SRBD1: variants seen among roughly 807,000 people sequenced by gnomAD.
SRBD1 encodes the protein S1 RNA binding domain 1, also known as S1 RNA-binding domain-containing protein 1.
Under a neutral mutation model 115.3 loss-of-function variants are expected in SRBD1, and 88 were observed. That is an observed-to-expected ratio of 0.76 (90% CI 0.64 to 0.91). The LOEUF (loss-of-function observed/expected upper bound fraction) is 0.91, where lower values mean the gene tolerates loss of function less well. SRBD1 is among the 40% of genes least tolerant of loss of function. The pLI is 0.00. For synonymous variants in SRBD1, 509 were observed against 407.7 expected, an observed-to-expected ratio of 1.25 and a Z score of -2.99; for missense variants, 1,385 against 1,177.4, an observed-to-expected ratio of 1.18 and a Z score of -2.58.
chr2:45,513,530 A>G (rs1044912513), intron 14 of SRBD1, among the ~76,000 whole-genome samples: 1 of 152,142 alleles, frequency 6.6e-6, no homozygotes, highest in Admixed American at 6.5e-5. Context: ...GAAGAAGATG[A>G]AAAATTCAAA....
chr2:45,536,542 A>G (rs368033124), intron 14 of SRBD1, among the ~76,000 whole-genome samples: 10 of 152,126 alleles, frequency 6.6e-5, no homozygotes, highest in Admixed American at 4.6e-4. Flanking sequence ...TAAGATTATA[A>G]TAAAGTTTTA....
intron 14 of SRBD1, among the ~76,000 whole-genome samples, chr2:45,532,162 CCACCATCAG>C (rs138369493): frequency 0.11 from 16,893 of 151,604 alleles, 1,246 homozygotes; most frequent in East Asian, 0.2. Context: ...GCTGCCATCA[CCACCATCAG>C]CACCATCAGC....
Position 45,442,560 on chromosome 2 carries a change from T to C in SRBD1, c.2050-22666A>G, listed in dbSNP as rs143621664. On this transcript the variant is annotated intron_variant, in intron 16 of 20. Coordinates refer to ENST00000263736, the MANE Select transcript of SRBD1 (RefSeq NM_018079.5). ...GGAATTTAGAAAAGAGATATGGATATTACTAACTCCTCTTTACCAGGGAGA... is the reference window on the plus strand; with the variant it reads ...GGAATTTAGAAAAGAGATATGGATACTACTAACTCCTCTTTACCAGGGAGA... Among the ~76,000 whole-genome samples, 604 of 152,288 alleles carry C rather than the reference T, an allele frequency of 4.0e-3. 2 individuals are homozygous for C. Among genetic ancestry groups the C allele is most frequent in the Non-Finnish European group, 6.4e-3 (432 of 68,026 alleles).
intron 6 of SRBD1, among the ~76,000 whole-genome samples, chr2:45,580,528 T>TC (rs1405020196): frequency 2.0e-5 from 3 of 148,870 alleles, no homozygotes; most frequent in Admixed American, 2.0e-4. Flanking sequence ...TTTTTTTTTT[T>TC]TTTTGCATTT....
intron 16 of SRBD1, among the ~76,000 whole-genome samples, chr2:45,435,780 T>C (rs1489358638): frequency 6.6e-6 from 1 of 152,078 alleles, no homozygotes; most frequent in Non-Finnish European, 1.5e-5. Flanking sequence ...CTAACAAAAT[T>C]TTAAAAAATA....
intron 16 of SRBD1, among the ~76,000 whole-genome samples, chr2:45,440,639 A>T (rs878981905): frequency 6.6e-6 from 1 of 152,208 alleles, no homozygotes; most frequent in Admixed American, 6.5e-5. Flanking sequence ...TTCCACTGTA[A>T]ATCTCTATTT....
chr2:45,527,577 TATA>T (rs142223235), intron 14 of SRBD1, among the ~76,000 whole-genome samples: 54,040 of 151,426 alleles, frequency 0.36, 10,662 homozygotes, highest in Non-Finnish European at 0.46. Flanking sequence ...ATTTTGAAGT[TATA>T]ATAAAAATAA....
chr2:45,389,237 C>A lies in SRBD1; in HGVS notation c.*73G>T. On this transcript the variant is annotated 3_prime_UTR_variant, in exon 21 of 21. Transcript: ENST00000263736. ...TTTCTCATCTGCTACCTAGAGTTTACAAACAACTGACTTATCCTTGTCAAT... is the reference window on the plus strand; with the variant it reads ...TTTCTCATCTGCTACCTAGAGTTTAAAAACAACTGACTTATCCTTGTCAAT... The A allele has an allele frequency of 6.6e-7, 1 of 1,521,806 alleles. No individual in the cohort carries two copies. Among genetic ancestry groups the A allele is most frequent in the Non-Finnish European group, 8.9e-7 (1 of 1,128,568 alleles). The allele number at this position is 1,521,806 out of a possible 1,614,324, so 94.3% of individuals were successfully genotyped here.
At chr2:45,405,318 C>T (rs987686334) in intron 19 of SRBD1, among the ~76,000 whole-genome samples, 2 of 152,010 alleles carry the variant, frequency 1.3e-5, no homozygotes, top group Non-Finnish European at 2.9e-5. Flanking sequence ...CATTACTGAG[C>T]CTTTTTTGTT....
At chr2:45,586,714 T>C (rs982913085) in intron 4 of SRBD1, among the ~76,000 whole-genome samples, 2 of 151,588 alleles carry the variant, frequency 1.3e-5, no homozygotes, top group African/African-American at 4.8e-5. Flanking sequence ...TGGCTAATTT[T>C]TTTTTTTTTA....
At chr2:45,565,198 T>C (rs1672788569) in intron 9 of SRBD1, among the ~76,000 whole-genome samples, 1 of 152,118 alleles carries the variant, frequency 6.6e-6, no homozygotes, top group Non-Finnish European at 1.5e-5. Context: ...AAAATCAAAA[T>C]AAACTTGGAA....
chr2:45,391,536 G>A (rs1458606041), intron 20 of SRBD1, among the ~76,000 whole-genome samples: 1 of 152,184 alleles, frequency 6.6e-6, no homozygotes, highest in Non-Finnish European at 1.5e-5. Context: ...CCTTGGGTAT[G>A]TGTTTAGTAG....
chr2:45,436,068 T>C (rs984840260), intron 16 of SRBD1, among the ~76,000 whole-genome samples: 1 of 151,726 alleles, frequency 6.6e-6, no homozygotes, highest in Non-Finnish European at 1.5e-5. Context: ...TAGCCAAATA[T>C]AATATATCTC....
At chr2:45,572,823 A>T (rs1223243305) in intron 9 of SRBD1, among the ~76,000 whole-genome samples, 1 of 152,164 alleles carries the variant, frequency 6.6e-6, no homozygotes, top group East Asian at 1.9e-4. Context: ...TGATTTATAT[A>T]AGTAAATGAG....
At chr2:45,579,248 A>C (rs1673271627) in intron 7 of SRBD1, among the ~76,000 whole-genome samples, 2 of 152,184 alleles carry the variant, frequency 1.3e-5, no homozygotes, top group African/African-American at 4.8e-5. Context: ...CACACACACA[A>C]AACAGGAAGA....
At chr2:45,552,873 G>C (rs1672346858) in intron 11 of SRBD1, among the ~76,000 whole-genome samples, 1 of 152,190 alleles carries the variant, frequency 6.6e-6, no homozygotes, top group Non-Finnish European at 1.5e-5. Context: ...CAGCAAAAGA[G>C]AAACAAGCCC....
chr2:45,444,233 C>T (rs1416131363), intron 16 of SRBD1, among the ~76,000 whole-genome samples: 2 of 152,040 alleles, frequency 1.3e-5, no homozygotes, highest in Admixed American at 6.5e-5. Context: ...TAGTGAGACC[C>T]TAACTTTACA....
At chr2:45,585,916 T>C (rs1572809332) in intron 4 of SRBD1, 142 bp from the exon 5 acceptor site, 3 of 619,060 alleles carry the variant, frequency 4.8e-6, no homozygotes, top group East Asian at 6.5e-5. Context: ...AAGAAAGCCA[T>C]ATAAAATACA....
At chr2:45,395,860 A>T (rs1667132773) in intron 19 of SRBD1, among the ~76,000 whole-genome samples, 1 of 152,222 alleles carries the variant, frequency 6.6e-6, no homozygotes, top group South Asian at 2.1e-4. Context: ...AGAAAAATTT[A>T]TTCTACATAT....
Sources: gnomAD v4.1 joint callset for allele counts (sites outside exome capture counted in the v4.1 genomes callset) on GRCh38, gnomAD v4.1.1 for gene constraint, MANE v1.5 for transcripts, NCBI Gene and HGNC (gene_info 2026-07-23, HGNC 2026-07-21) for gene names.